Variants in NRXN1 observed in about 807,000 individuals in gnomAD.
The protein encoded by NRXN1 is neurexin 1, also known as neurexin-1.
A neutral mutation model predicts 150.9 loss-of-function variants in NRXN1; 39 were observed. That is an observed-to-expected ratio of 0.26 (90% confidence interval 0.20 to 0.34). The LOEUF (loss-of-function observed/expected upper bound fraction) is 0.34, where lower values mean the gene tolerates loss of function less well. NRXN1 is among the 10% of genes least tolerant of loss of function. NRXN1 has a pLI of 1.00. For synonymous variants in NRXN1, 924 were observed against 757.0 expected (o/e 1.22, Z -3.62); for missense variants, 1,815 against 1,949.9 (o/e 0.93, Z 1.30).
At position 50,496,094 on chromosome 2, in the gene NRXN1, A is replaced by G. The variant is rs2091600008; in HGVS notation, c.2881T>C (p.Tyr961His). Residue 961 changes from tyrosine (Y) to histidine (H), a missense_variant and splice_region_variant, in exon 15 of 23, where the codon TAC becomes CAC. Tyr to His is a moderately conservative substitution (Grantham distance 83). Coordinates refer to ENST00000401669, the MANE Select transcript of NRXN1 (RefSeq NM_001330078.2). ...DFIVVELVKGYLHYVFDLGNG... is the reference protein window; with the variant it reads ...DFIVVELVKGHLHYVFDLGNG... ...CCCAAATCAAACACGTAATGTAAGTACCTGGGAAAAAAATGAAAGAGGGGA... is the reference window on the plus strand; with the variant it reads ...CCCAAATCAAACACGTAATGTAAGTGCCTGGGAAAAAAATGAAAGAGGGGA... The G allele has an allele frequency of 6.3e-7, 1 of 1,591,546 alleles. No homozygotes were observed. The highest frequency in any genetic ancestry group is 8.6e-7 in the Non-Finnish European group (1 of 1,168,160).
chr2:50,292,279 CA>C (rs1350865537), intron 17 of NRXN1, among the ~76,000 whole-genome samples: 1 of 152,166 alleles, frequency 6.6e-6, no homozygotes, highest in Non-Finnish European at 1.5e-5. Flanking sequence ...CAAGCCACCA[CA>C]CCCATTCATT....
chr2:50,335,028 A>G (rs1235613275), intron 17 of NRXN1, among the ~76,000 whole-genome samples: 1 of 152,182 alleles, frequency 6.6e-6, no homozygotes, highest in Non-Finnish European at 1.5e-5. Context: ...TCAGTTCCAA[A>G]GTATATATAT....
chr2:50,216,008 A>T (rs1279114190), intron 18 of NRXN1, among the ~76,000 whole-genome samples: 5 of 152,084 alleles, frequency 3.3e-5, no homozygotes, highest in Non-Finnish European at 7.4e-5. Context: ...TTATAAGTAG[A>T]TAAAGAATGG....
At chr2:50,420,640 G>T (rs146439389) in intron 17 of NRXN1, among the ~76,000 whole-genome samples, 16 of 152,064 alleles carry the variant, frequency 1.1e-4, no homozygotes, top group African/African-American at 3.9e-4. Context: ...TCACTTAAAA[G>T]TACCTTAAGG....
intron 5 of NRXN1, among the ~76,000 whole-genome samples, chr2:50,844,126 C>A (rs1403015664): frequency 6.6e-6 from 1 of 152,158 alleles, no homozygotes; most frequent in South Asian, 2.1e-4. Flanking sequence ...ACTTTTAATA[C>A]TAGTCTTGCA....
chr2:50,571,754 C>T (rs550663462), intron 8 of NRXN1, among the ~76,000 whole-genome samples: 30 of 151,886 alleles, frequency 2.0e-4, no homozygotes, highest in Non-Finnish European at 3.4e-4. Flanking sequence ...AACTAAAATG[C>T]CTCAAGGGAA....
intron 8 of NRXN1, among the ~76,000 whole-genome samples, chr2:50,567,617 T>G (rs6740582): frequency 0.017 from 2,630 of 152,252 alleles, 41 homozygotes; most frequent in Middle Eastern, 0.058. Context: ...CACAATGCTT[T>G]GGTAGAGCCC....
At chr2:50,487,837 T>C (rs1187558339) in intron 15 of NRXN1, among the ~76,000 whole-genome samples, 1 of 152,212 alleles carries the variant, frequency 6.6e-6, no homozygotes, top group Admixed American at 6.5e-5. Context: ...TAGATGAGTC[T>C]GGTTAGGACC....
At chr2:50,907,402 T>C (rs549449028) in intron 5 of NRXN1, among the ~76,000 whole-genome samples, 1 of 152,138 alleles carries the variant, frequency 6.6e-6, no homozygotes, top group Non-Finnish European at 1.5e-5. Flanking sequence ...AAGTTTGTTA[T>C]ACTTTTCTCT....
intron 18 of NRXN1, among the ~76,000 whole-genome samples, chr2:50,181,807 C>A (rs1049580655): frequency 6.6e-6 from 1 of 151,946 alleles, no homozygotes; most frequent in African/African-American, 2.4e-5. Context: ...TAGTAATGAG[C>A]GCACCACAAA....
At chr2:50,625,925 G>A (rs141988005) in intron 5 of NRXN1, among the ~76,000 whole-genome samples, 26 of 151,988 alleles carry the variant, frequency 1.7e-4, no homozygotes, top group Non-Finnish European at 2.5e-4. Context: ...AACATAAATC[G>A]TATGTTATTA....
At chr2:50,338,328 C>A (rs1285781616) in intron 17 of NRXN1, among the ~76,000 whole-genome samples, 1 of 151,998 alleles carries the variant, frequency 6.6e-6, no homozygotes, top group Non-Finnish European at 1.5e-5. Context: ...AGAAAATGAT[C>A]AATTTTTCTA....
At chr2:50,260,052 C>T (rs1224399507) in intron 17 of NRXN1, among the ~76,000 whole-genome samples, 1 of 151,740 alleles carries the variant, frequency 6.6e-6, no homozygotes, top group Non-Finnish European at 1.5e-5. Context: ...AAAATATGCT[C>T]TGTACTCTAT....
chr2:50,440,203 G>C (rs1232572928), intron 17 of NRXN1, among the ~76,000 whole-genome samples: 1 of 152,142 alleles, frequency 6.6e-6, no homozygotes, highest in African/African-American at 2.4e-5. Flanking sequence ...TGGGCATGAG[G>C]AGATAGGCTG....
intron 5 of NRXN1, among the ~76,000 whole-genome samples, chr2:50,830,527 C>G (rs1444278147): frequency 1.3e-5 from 2 of 151,358 alleles, no homozygotes; most frequent in Non-Finnish European, 2.9e-5. Flanking sequence ...CATATACTAT[C>G]TACTATAAAT....
chr2:50,411,316 G>A (rs1572871613), intron 17 of NRXN1, among the ~76,000 whole-genome samples: 1 of 152,160 alleles, frequency 6.6e-6, no homozygotes, highest in African/African-American at 2.4e-5. Context: ...ACAGAGTCTC[G>A]CTCACTCAGT....
At chr2:50,147,931 C>A (rs61018026) in intron 18 of NRXN1, among the ~76,000 whole-genome samples, 1,631 of 151,680 alleles carry the variant, frequency 0.011, 39 homozygotes, top group African/African-American at 0.038. Context: ...TCCTAGCTTA[C>A]AAAGTCTAGA....
intron 21 of NRXN1, among the ~76,000 whole-genome samples, chr2:50,010,335 T>C (rs1266400836): frequency 2.0e-5 from 3 of 152,142 alleles, no homozygotes; most frequent in Admixed American, 6.6e-5. Context: ...AAGATTTCTT[T>C]TGAATGTTCT....
intron 17 of NRXN1, among the ~76,000 whole-genome samples, chr2:50,323,041 G>A (rs139481650): frequency 9.1e-4 from 138 of 152,234 alleles, no homozygotes; most frequent in African/African-American, 3.2e-3. Context: ...ATTTAACAAC[G>A]TTCTTCTAAG....
Sources: allele counts gnomAD v4.1 joint callset (sites outside exome capture counted in the v4.1 genomes callset), GRCh38; gene constraint gnomAD v4.1.1; transcripts MANE v1.5; gene names NCBI Gene and HGNC (gene_info 2026-07-23, HGNC 2026-07-21).